NBPF3: variants seen among roughly 807,000 people sequenced by gnomAD.
NBPF3 encodes the protein NBPF member 3.
NBPF3 carries 57 observed loss-of-function variants against 78.1 expected under a neutral mutation model. The ratio of observed to expected loss-of-function variants is 0.73; its 90% confidence interval spans 0.59 to 0.91. The LOEUF is 0.91. Among genes scored for constraint, NBPF3 ranks in the 40% least tolerant of loss-of-function variants. The pLI is 0.00. For synonymous variants in NBPF3, 182 were observed against 271.7 expected (o/e 0.67, Z 3.25); for missense variants, 510 against 715.3 (o/e 0.71, Z 3.27).
upstream of NBPF3, among the ~76,000 whole-genome samples, chr1:21,437,800 G>A (rs1041041058): frequency 1.2e-4 from 18 of 148,944 alleles, no homozygotes; most frequent in South Asian, 6.5e-4. Flanking sequence ...GACTACAGGC[G>A]TCCGCCACCT....
intron 8 of NBPF3, 33 bp downstream of exon 8, chr1:21,474,984 A>AAT: frequency 6.3e-7 from 1 of 1,575,116 alleles, no homozygotes; most frequent in Non-Finnish European, 8.7e-7. Flanking sequence ...TGTTAATTCA[A>AAT]TAGTGGCAGC....
intron 2 of NBPF3, among the ~76,000 whole-genome samples, chr1:21,461,101 G>T (rs1008148263): frequency 3.5e-4 from 54 of 152,170 alleles, no homozygotes; most frequent in African/African-American, 1.3e-3. Context: ...GGAATGTAGA[G>T]CAACTGGAAA....
upstream of NBPF3, chr1:21,440,112 TGCAGGC>T (rs66732917): frequency 0.46 from 69,433 of 151,632 alleles, 17,596 homozygotes; most frequent in Middle Eastern, 0.63. Context: ...GCCAGTGGGC[TGCAGGC>T]GCAGGCGCAG....
At chr1:21,470,516 G>A in intron 3 of NBPF3, 116 bp from the exon 4 acceptor site, 2 of 713,456 alleles carry the variant, frequency 2.8e-6, no homozygotes, top group Non-Finnish European at 4.9e-6. Context: ...CCTACGTAGA[G>A]CCTGGCAGTG....
chr1:21,461,533 A>G (rs1475068510), intron 2 of NBPF3, among the ~76,000 whole-genome samples: 1 of 152,172 alleles, frequency 6.6e-6, no homozygotes, highest in Non-Finnish European at 1.5e-5. Flanking sequence ...GTGCAGTGGC[A>G]CGATCTCGGC....
intron 1 of NBPF3, among the ~76,000 whole-genome samples, chr1:21,443,559 G>A (rs1315641883): frequency 6.6e-6 from 1 of 152,152 alleles, no homozygotes; most frequent in Non-Finnish European, 1.5e-5. Flanking sequence ...AAGGGCTCAC[G>A]TGATGTGATA....
chr1:21,448,534 T>C (rs1013193489), intron 2 of NBPF3, among the ~76,000 whole-genome samples: 2 of 152,190 alleles, frequency 1.3e-5, no homozygotes, highest in African/African-American at 4.8e-5. Flanking sequence ...TTTGGGTTAC[T>C]GTAGCTTAAT....
chr1:21,455,959 C>T (rs1284198155), intron 2 of NBPF3, among the ~76,000 whole-genome samples: 1 of 152,152 alleles, frequency 6.6e-6, no homozygotes, highest in Non-Finnish European at 1.5e-5. Context: ...AGGTATCCAA[C>T]TGAGACACTA....
At chr1:21,439,432 G>T (rs6694671), upstream of NBPF3, among the ~76,000 whole-genome samples, 106,213 of 151,556 alleles carry the variant, frequency 0.7, 38,158 homozygotes, top group Non-Finnish European at 0.79. Context: ...GAGGTTGCAG[G>T]AAGCCAAGAT....
intron 2 of NBPF3, among the ~76,000 whole-genome samples, chr1:21,464,621 T>A (rs1270537587): frequency 6.6e-6 from 1 of 151,866 alleles, no homozygotes; most frequent in African/African-American, 2.4e-5. Flanking sequence ...TAAATTCTAC[T>A]GTAGAAATAA....
rs1448563805 is a variant in NBPF3, at chr1:21,468,843, A to T, written c.289A>T (p.Lys97Ter). The T allele has an allele frequency of 1.2e-6, 2 of 1,614,072 alleles. No individual in the cohort carries two copies. The highest frequency in any genetic ancestry group is 2.7e-5 in the African/African-American group (2 of 74,934). The change falls in exon 3 of 15, where the codon AAA becomes TAA. Residue 97 changes from lysine to a stop codon, truncating the protein, a stop_gained. Transcript: ENST00000318249. LOFTEE classifies it high-confidence loss of function. ...NKQQFRNLKQ[K>*]CLVTQVAYFL... Reference sequence around the variant, plus strand: ...ACAGCAGTTCAGAAACCTCAAACAGAAATGTCTTGTAACTCAAGTGGCCTA... The same window carrying T: ...ACAGCAGTTCAGAAACCTCAAACAGTAATGTCTTGTAACTCAAGTGGCCTA...
upstream of NBPF3, chr1:21,437,698 A>G (rs1640452734): frequency 4.9e-6 from 1 of 202,838 alleles, no homozygotes; most frequent in Non-Finnish European, 1.0e-5. Context: ...TCTGTCCCCC[A>G]GGCTGGAGTG....
chr1:21,478,031 TTTGG>T (rs1642975946), intron 8 of NBPF3, 109 bp from the exon 9 acceptor site: 2 of 1,605,564 alleles, frequency 1.2e-6, no homozygotes, highest in African/African-American at 2.7e-5. Context: ...GAAAAATGCC[TTTGG>T]TTTCTGTGAG....
rs560167888 is a variant in NBPF3 at position 21,446,773 on chromosome 1, C to T, written c.133+1554C>T. On this transcript the variant is annotated intron_variant, in intron 2 of 14. Transcript: ENST00000318249. ...CCAGTAGCCCTTAGCTCTTCCCAGC[C>T]CCCTCCTTTGATTTGTGGGTGCCAC... Among the ~76,000 whole-genome samples the T allele has an allele frequency of 2.6e-5, 4 of 152,094 alleles. No homozygotes were observed. In the South Asian group the frequency reaches 6.2e-4, roughly 24 times the overall value.
At chr1:21,479,804 C>A (rs61810658) in intron 10 of NBPF3, among the ~76,000 whole-genome samples, 1,688 of 65,200 alleles carry the variant, frequency 0.026, 20 homozygotes, top group African/African-American at 0.06. Context: ...CTCTCTCTCT[C>A]TCTCTCTCTC....
intron 2 of NBPF3, 82 bp downstream of exon 2, chr1:21,445,301 C>A: frequency 6.7e-7 from 1 of 1,495,782 alleles, no homozygotes; most frequent in South Asian, 1.2e-5. Context: ...GGGAAGATGT[C>A]AAGGTCCCTA....
intron 5 of NBPF3, among the ~76,000 whole-genome samples, chr1:21,471,985 A>G (rs1327239815): frequency 6.6e-6 from 1 of 152,152 alleles, no homozygotes; most frequent in Non-Finnish European, 1.5e-5. Flanking sequence ...CAGTATTTCA[A>G]ATGTCCCTCC....
At chr1:21,465,063 A>G (rs539536911) in intron 2 of NBPF3, among the ~76,000 whole-genome samples, 6 of 150,440 alleles carry the variant, frequency 4.0e-5, no homozygotes, top group Non-Finnish European at 7.4e-5. Flanking sequence ...CCAAAATATG[A>G]TGCTGGCTGC....
chr1:21,441,067 T>A (rs543514584), intron 1 of NBPF3, among the ~76,000 whole-genome samples: 2 of 152,336 alleles, frequency 1.3e-5, no homozygotes, highest in African/African-American at 4.8e-5. Flanking sequence ...CTAGTTTCCT[T>A]GCTTTCCTTC....
Sources: gnomAD v4.1 joint callset for allele counts (sites outside exome capture counted in the v4.1 genomes callset) on GRCh38, gnomAD v4.1.1 for gene constraint, MANE v1.5 for transcripts, NCBI Gene and HGNC (gene_info 2026-07-23, HGNC 2026-07-21) for gene names.